The following C10orf90 variants were observed in gnomAD, a reference collection of about 807,000 sequenced individuals.
The protein encoded by C10orf90 is (E2-independent) E3 ubiquitin-conjugating enzyme FATS.
Under a neutral mutation model 62.5 loss-of-function variants are expected in C10orf90, and 56 were observed. The ratio of observed to expected loss-of-function variants is 0.90; its 90% confidence interval spans 0.72 to 1.12. C10orf90 has a LOEUF of 1.12. Among genes scored for constraint, C10orf90 ranks in the 50% most tolerant of loss-of-function variants. The pLI is 0.00. For missense variants in C10orf90, 970 were observed against 880.4 expected (o/e 1.10, Z -1.29); for synonymous variants, 386 against 340.4 (o/e 1.13, Z -1.47).
At chr10:126,606,658 G>A (rs541704523) in intron 2 of C10orf90, among the ~76,000 whole-genome samples, 1 of 152,320 alleles carries the variant, frequency 6.6e-6, no homozygotes, top group African/African-American at 2.4e-5. Flanking sequence ...AGGATTTGCA[G>A]CATTAGAATC....
At chr10:126,645,299 G>A (rs1186892890) in intron 2 of C10orf90, among the ~76,000 whole-genome samples, 1 of 151,254 alleles carries the variant, frequency 6.6e-6, no homozygotes, top group African/African-American at 2.4e-5. Flanking sequence ...TGGGTGCAGT[G>A]GCTCATGCCA....
At chr10:126,432,580 T>C (rs993397324) in intron 7 of C10orf90, among the ~76,000 whole-genome samples, 1 of 152,100 alleles carries the variant, frequency 6.6e-6, no homozygotes, top group African/African-American at 2.4e-5. Flanking sequence ...GGAGGAGATA[T>C]TTAAACCAAG....
Position 126,425,501 on chromosome 10 carries a change from TC to T in C10orf90, c.*362del. 3.7e-6 allele frequency: 1 copy of T among 267,156 alleles called. No homozygotes were observed. Among genetic ancestry groups the T allele is most frequent in the Non-Finnish European group, 7.0e-6 (1 of 142,914 alleles). 16.5% of individuals were successfully genotyped at this position (267,156 alleles called of 1,614,324 possible). On this transcript the variant is annotated 3_prime_UTR_variant, in exon 10 of 10. Coordinates refer to ENST00000488181, the MANE Select transcript of C10orf90 (RefSeq NM_001350921.2). ...ATCCCAAAAGTTTGATGTAAAAGAT[TC>T]CCCAGGGATGTAAACAAACTTGCTT...
At chr10:126,581,465 G>T (rs1156394385) in intron 2 of C10orf90, among the ~76,000 whole-genome samples, 1 of 152,126 alleles carries the variant, frequency 6.6e-6, no homozygotes, top group East Asian at 1.9e-4. Flanking sequence ...CAGGGATGCT[G>T]CACTCTGCAT....
intron 2 of C10orf90, among the ~76,000 whole-genome samples, chr10:126,624,803 C>A (rs187009392): frequency 1.3e-5 from 2 of 152,082 alleles, no homozygotes; most frequent in Non-Finnish European, 2.9e-5. Flanking sequence ...ACTCCATTAG[C>A]CCCCACAGTG....
chr10:126,652,057 G>A (rs1052570968), intron 1 of C10orf90, among the ~76,000 whole-genome samples: 5 of 152,208 alleles, frequency 3.3e-5, no homozygotes, highest in South Asian at 2.1e-4. Context: ...GATCTTTGCC[G>A]GCATTGCATG....
intron 2 of C10orf90, among the ~76,000 whole-genome samples, chr10:126,584,516 G>A (rs888443032): frequency 6.6e-6 from 1 of 152,074 alleles, no homozygotes; most frequent in Non-Finnish European, 1.5e-5. Context: ...CTGCACTCTG[G>A]GGACTGGGAG....
At chr10:126,528,283 G>A (rs1193715663) in intron 2 of C10orf90, among the ~76,000 whole-genome samples, 1 of 152,074 alleles carries the variant, frequency 6.6e-6, no homozygotes, top group Non-Finnish European at 1.5e-5. Flanking sequence ...CAAAGAGAGA[G>A]ATAATACTTA....
chr10:126,657,300 A>G (rs1017203954), intron 1 of C10orf90, among the ~76,000 whole-genome samples: 1 of 152,218 alleles, frequency 6.6e-6, no homozygotes, highest in African/African-American at 2.4e-5. Context: ...TACTTATTAA[A>G]TGATAATTCC....
rs777794117 is a variant in C10orf90 at position 126,464,813 on chromosome 10, G to A, written c.1708C>T (p.His570Tyr). 1.9e-6 allele frequency: 3 copies of A among 1,614,094 alleles called. No homozygotes were observed. Among genetic ancestry groups the A allele is most frequent in the South Asian group, 2.2e-5 (2 of 91,072 alleles). ...RDLSEPTERR[H>Y]QSFLKPRILF... Reference sequence around the variant, plus strand: ...ATTCTGGGTTTCAGGAAGCTTTGATGTCGTCTCTCTGTGGGCTCAGAAAGG... The same window carrying A: ...ATTCTGGGTTTCAGGAAGCTTTGATATCGTCTCTCTGTGGGCTCAGAAAGG... Residue 570 changes from histidine (H) to tyrosine (Y), a missense_variant, in exon 5 of 10, where the codon CAT becomes TAT. Transcript: ENST00000488181.
chr10:126,430,496 A>C (rs1450814756), intron 7 of C10orf90, among the ~76,000 whole-genome samples: 2 of 152,188 alleles, frequency 1.3e-5, no homozygotes, highest in African/African-American at 2.4e-5. Context: ...CACACTTAAA[A>C]GTGGTGTGTG....
intron 2 of C10orf90, among the ~76,000 whole-genome samples, chr10:126,584,976 G>A (rs1188736766): frequency 6.6e-6 from 1 of 151,776 alleles, no homozygotes; most frequent in African/African-American, 2.4e-5. Flanking sequence ...GTTAGCTGTG[G>A]CCAATGCTCA....
intron 1 of C10orf90, among the ~76,000 whole-genome samples, chr10:126,656,662 C>T (rs947695396): frequency 6.6e-6 from 1 of 152,206 alleles, no homozygotes; most frequent in Admixed American, 6.5e-5. Context: ...CTTTAGAGAG[C>T]AGACGGGCGG....
intron 2 of C10orf90, among the ~76,000 whole-genome samples, chr10:126,515,790 A>C (rs1202803954): frequency 6.6e-6 from 1 of 152,162 alleles, no homozygotes; most frequent in Non-Finnish European, 1.5e-5. Flanking sequence ...GCCACCATTG[A>C]CCTGTCCAGA....
In C10orf90 at chr10:126,461,551, T is replaced by C; in HGVS notation, c.1860A>G (p.Ile620Met). The C allele has an allele frequency of 6.2e-7, 1 of 1,613,976 alleles. No homozygotes were observed. Among genetic ancestry groups the C allele is most frequent in the Non-Finnish European group, 8.5e-7 (1 of 1,179,946 alleles). The change falls in exon 6 of 10, where the codon ATA becomes ATG. Residue 620 changes from isoleucine to methionine, a missense_variant. Coordinates refer to ENST00000488181, the MANE Select transcript of C10orf90 (RefSeq NM_001350921.2). ...DYTCCDLVVK[I>M]KECKKSEDPT... ...GGTCCTCACTCTTCTTACATTCCTT[T>C]ATTTTTACAACCAAGTCACAGCATG...
intron 4 of C10orf90, among the ~76,000 whole-genome samples, chr10:126,493,787 T>C (rs1275732076): frequency 6.6e-6 from 1 of 152,246 alleles, no homozygotes; most frequent in East Asian, 1.9e-4. Context: ...AAGAAACCAG[T>C]TACCAGCTGC....
At chr10:126,572,642 G>A (rs1488479236) in intron 2 of C10orf90, among the ~76,000 whole-genome samples, 3 of 152,102 alleles carry the variant, frequency 2.0e-5, no homozygotes, top group African/African-American at 4.8e-5. Flanking sequence ...CTCCTTTACT[G>A]CAACTTGTTC....
intron 2 of C10orf90, among the ~76,000 whole-genome samples, chr10:126,589,620 A>C (rs1176670434): frequency 6.6e-6 from 1 of 152,232 alleles, no homozygotes; most frequent in East Asian, 1.9e-4. Context: ...TTCATAAGCA[A>C]AGGAGAAATA....
intron 2 of C10orf90, among the ~76,000 whole-genome samples, chr10:126,603,993 G>A (rs1211907495): frequency 6.6e-6 from 1 of 152,310 alleles, no homozygotes; most frequent in Non-Finnish European, 1.5e-5. Context: ...AAGTGGCTGA[G>A]CTCGAAGCCT....
Sources: allele counts gnomAD v4.1 joint callset (sites outside exome capture counted in the v4.1 genomes callset), GRCh38; gene constraint gnomAD v4.1.1; transcripts MANE v1.5; gene names NCBI Gene and HGNC (gene_info 2026-07-23, HGNC 2026-07-21).